SUCLG2: variants seen among roughly 807,000 people sequenced by gnomAD.
SUCLG2 encodes the protein succinate--CoA ligase [GDP-forming] subunit beta, mitochondrial.
A neutral mutation model predicts 47.9 loss-of-function variants in SUCLG2; 42 were observed. That is an observed-to-expected ratio of 0.88 (90% CI 0.69 to 1.14). The LOEUF (loss-of-function observed/expected upper bound fraction) is 1.14. Ranked by LOEUF, SUCLG2 falls within the 50% of genes most tolerant of loss-of-function variation. SUCLG2 has a pLI of 0.00. For missense variants in SUCLG2, 571 were observed against 525.9 expected, an observed-to-expected ratio of 1.09 and a Z score of -0.84; for synonymous variants, 195 against 197.3, an observed-to-expected ratio of 0.99 and a Z score of 0.10.
chr3:67,473,759 G>C (rs1704663626), intron 9 of SUCLG2, among the ~76,000 whole-genome samples: 1 of 152,142 alleles, frequency 6.6e-6, no homozygotes, highest in Non-Finnish European at 1.5e-5. Flanking sequence ...AACTTGCCAA[G>C]TGCAGCGATA....
intron 9 of SUCLG2, among the ~76,000 whole-genome samples, chr3:67,460,733 C>T (rs4645146): frequency 0.56 from 85,391 of 151,946 alleles, 24,848 homozygotes; most frequent in Middle Eastern, 0.65. Flanking sequence ...AATCTAGCTT[C>T]TCATCCTCGC....
intron 10 of SUCLG2, among the ~76,000 whole-genome samples, chr3:67,382,379 C>A (rs757116716): frequency 5.9e-5 from 9 of 152,152 alleles, no homozygotes; most frequent in Non-Finnish European, 1.0e-4. Context: ...ACGCAGCTGG[C>A]CTTTAAGTGC....
intron 2 of SUCLG2, among the ~76,000 whole-genome samples, chr3:67,584,462 T>G: frequency 6.6e-6 from 1 of 152,276 alleles, no homozygotes; most frequent in African/African-American, 2.4e-5. Flanking sequence ...ACAGTGATGG[T>G]TATATAACTT....
intron 1 of SUCLG2, among the ~76,000 whole-genome samples, chr3:67,642,403 G>A (rs1701117149): frequency 6.6e-6 from 1 of 151,958 alleles, no homozygotes; most frequent in Non-Finnish European, 1.5e-5. Context: ...CCACAAGTTG[G>A]AGACCAACCT....
chr3:67,496,761 C>T (rs745803847), intron 8 of SUCLG2, among the ~76,000 whole-genome samples: 3 of 151,830 alleles, frequency 2.0e-5, no homozygotes, highest in Non-Finnish European at 4.4e-5. Flanking sequence ...TATTTTGCTT[C>T]TTAAGCTTAA....
At chr3:67,455,351 A>G (rs1704158577) in intron 9 of SUCLG2, among the ~76,000 whole-genome samples, 1 of 152,122 alleles carries the variant, frequency 6.6e-6, no homozygotes, top group Non-Finnish European at 1.5e-5. Context: ...ATCAGGCGTT[A>G]TTTCACTCTT....
intron 2 of SUCLG2, among the ~76,000 whole-genome samples, chr3:67,563,960 A>C (rs1430801678): frequency 7.9e-6 from 1 of 126,492 alleles, no homozygotes; most frequent in Non-Finnish European, 1.6e-5. Flanking sequence ...ACTCTGTCTC[A>C]AAAAAAAAAA....
chr3:67,493,162 C>T (rs1442691519), intron 9 of SUCLG2, among the ~76,000 whole-genome samples: 1 of 152,144 alleles, frequency 6.6e-6, no homozygotes, highest in Non-Finnish European at 1.5e-5. Flanking sequence ...AAAACTACAG[C>T]CAGTTTGCTT....
intron 2 of SUCLG2, among the ~76,000 whole-genome samples, chr3:67,543,503 C>A (rs1449321528): frequency 6.6e-6 from 1 of 151,942 alleles, no homozygotes; most frequent in Non-Finnish European, 1.5e-5. Flanking sequence ...CCTGTCTCTA[C>A]AAAAAGTACA....
chr3:67,648,169 CA>C (rs1701223405), intron 1 of SUCLG2, among the ~76,000 whole-genome samples: 1 of 152,128 alleles, frequency 6.6e-6, no homozygotes. Flanking sequence ...CAGTCAGGTT[CA>C]ATAATTTGCT....
chr3:67,464,225 C>T (rs1704412069), intron 9 of SUCLG2, among the ~76,000 whole-genome samples: 1 of 152,136 alleles, frequency 6.6e-6, no homozygotes, highest in Non-Finnish European at 1.5e-5. Flanking sequence ...GGGCAATCAG[C>T]ACTTTACTTA....
intron 6 of SUCLG2, among the ~76,000 whole-genome samples, chr3:67,510,422 G>A (rs1705754916): frequency 6.6e-6 from 1 of 152,080 alleles, no homozygotes; most frequent in African/African-American, 2.4e-5. Flanking sequence ...ACATGTATAT[G>A]ATACAAAATT....
chr3:67,576,542 A>C (rs1383168969), intron 2 of SUCLG2, among the ~76,000 whole-genome samples: 1 of 152,266 alleles, frequency 6.6e-6, no homozygotes, highest in Non-Finnish European at 1.5e-5. Context: ...AAATATATTT[A>C]AATTTCCAGA....
At chr3:67,630,714 AAAAG>A (rs1434318996) in intron 1 of SUCLG2, among the ~76,000 whole-genome samples, 1 of 152,222 alleles carries the variant, frequency 6.6e-6, no homozygotes, top group Non-Finnish European at 1.5e-5. Flanking sequence ...TCCTTTTCCC[AAAAG>A]AATGACCTCA....
intron 1 of SUCLG2, among the ~76,000 whole-genome samples, chr3:67,610,474 C>T (rs574633776): frequency 6.6e-6 from 1 of 151,522 alleles, no homozygotes; most frequent in Admixed American, 6.6e-5. Context: ...ACAGTATTCC[C>T]TACCAAATCT....
At chr3:67,645,979 AC>A (rs143091444) in intron 1 of SUCLG2, among the ~76,000 whole-genome samples, 2,542 of 151,476 alleles carry the variant, frequency 0.017, 73 homozygotes, top group African/African-American at 0.058. Flanking sequence ...TAAGGAGAAA[AC>A]CTTAATATTT....
chr3:67,498,091 A>C lies in SUCLG2; in HGVS notation c.919+43T>G, dbSNP rs376853640. 9.0e-6 allele frequency: 14 copies of C among 1,561,238 alleles called. No homozygotes were observed. The South Asian group carries it at 1.4e-4, about 16-fold the overall frequency. On this transcript the variant is annotated intron_variant, in intron 8 of 10. Coordinates refer to ENST00000307227, the MANE Select transcript of SUCLG2 (RefSeq NM_003848.4). ...CAGAAATCAAGGTTTCCTAAATTCT[A>C]TAAGAATCCACAAAGCATTCTTTTG...
chr3:67,399,770 A>G (rs1237244190), intron 10 of SUCLG2, among the ~76,000 whole-genome samples: 2 of 152,236 alleles, frequency 1.3e-5, no homozygotes, highest in Admixed American at 6.5e-5. Context: ...ATGGAATATG[A>G]AAAGTTCATC....
At chr3:67,456,989 T>C (rs1258895311) in intron 9 of SUCLG2, among the ~76,000 whole-genome samples, 1 of 152,234 alleles carries the variant, frequency 6.6e-6, no homozygotes, top group Non-Finnish European at 1.5e-5. Context: ...TGCATAATTT[T>C]TGTAATTAGA....
Sources: allele counts gnomAD v4.1 joint callset (sites outside exome capture counted in the v4.1 genomes callset), GRCh38; gene constraint gnomAD v4.1.1; transcripts MANE v1.5; gene names NCBI Gene and HGNC (gene_info 2026-07-23, HGNC 2026-07-21).